Variants in NCS1 observed in about 807,000 individuals in gnomAD.
NCS1 encodes the protein frequenin homolog.
In NCS1, 6 loss-of-function variants were observed where a neutral mutation model predicts 28.4. That is an observed-to-expected ratio of 0.21 (90% CI 0.12 to 0.42). The LOEUF (loss-of-function observed/expected upper bound fraction) is 0.42. NCS1 is among the 10% of genes least tolerant of loss of function. The pLI, the probability that NCS1 is intolerant of heterozygous loss-of-function variation, is 1.00. For synonymous variants in NCS1, 86 were observed against 99.3 expected, an observed-to-expected ratio of 0.87 and a Z score of 0.79; for missense variants, 131 against 241.4, an observed-to-expected ratio of 0.54 and a Z score of 3.03.
At chr9:130,222,852 G>A in intron 5 of NCS1, 114 bp downstream of exon 5, 1 of 1,146,776 alleles carries the variant, frequency 8.7e-7, no homozygotes, top group Non-Finnish European at 1.3e-6. Flanking sequence ...GGAAGCAGGG[G>A]TCACTGGCTG....
chr9:130,236,734 C>T lies in NCS1; in HGVS notation c.*3762C>T, dbSNP rs1367315232. On this transcript the variant is annotated 3_prime_UTR_variant, in exon 8 of 8. Transcript: ENST00000372398. ...TCGCCCTCCCCAGTCTGCACATTCC[C>T]TGTTGTCCCTGTTCCTGCAGTGGCT... The T allele has an allele frequency of 6.6e-6, 1 of 152,412 alleles. No homozygotes were observed. The highest frequency in any genetic ancestry group is 2.4e-5 in the African/African-American group (1 of 41,430). The allele number at this position is 152,412 out of a possible 1,614,324, so 9.4% of individuals were successfully genotyped here.
chr9:130,227,072 C>T (rs952776958), intron 7 of NCS1, among the ~76,000 whole-genome samples: 5 of 151,416 alleles, frequency 3.3e-5, no homozygotes, highest in Admixed American at 6.6e-5. Flanking sequence ...AAGAATTGTC[C>T]TGGGTGGAAG....
At chr9:130,213,522 G>A (rs1167574034) in intron 2 of NCS1, among the ~76,000 whole-genome samples, 2 of 151,822 alleles carry the variant, frequency 1.3e-5, no homozygotes, top group Non-Finnish European at 2.9e-5. Flanking sequence ...CTTGTGATCC[G>A]CCCGTCTCAG....
intron 1 of NCS1, among the ~76,000 whole-genome samples, chr9:130,189,318 C>A (rs1164461743): frequency 3.3e-5 from 5 of 152,146 alleles, no homozygotes; most frequent in African/African-American, 4.8e-5. Flanking sequence ...ATTTAGTTAC[C>A]CAAGGTCACT....
intron 1 of NCS1, among the ~76,000 whole-genome samples, chr9:130,183,656 T>C (rs782045967): frequency 4.0e-4 from 55 of 137,856 alleles, no homozygotes; most frequent in Non-Finnish European, 8.3e-4. Flanking sequence ...TCTTTCTTTC[T>C]TTTTCTTTCC....
At chr9:130,188,847 A>G (rs1832776326) in intron 1 of NCS1, among the ~76,000 whole-genome samples, 1 of 151,890 alleles carries the variant, frequency 6.6e-6, no homozygotes, top group African/African-American at 2.4e-5. Context: ...CTCCCGAGTA[A>G]CTGGAATTAC....
At chr9:130,220,455 T>C (rs996282738) in intron 4 of NCS1, among the ~76,000 whole-genome samples, 53 of 151,830 alleles carry the variant, frequency 3.5e-4, no homozygotes, top group African/African-American at 1.2e-3. Context: ...GGAGAGGACC[T>C]GCCTGGTAGG....
chr9:130,225,473 G>A (rs1485872701), intron 6 of NCS1, among the ~76,000 whole-genome samples: 8 of 152,380 alleles, frequency 5.3e-5, no homozygotes, highest in Non-Finnish European at 7.3e-5. Context: ...GGCCAAGGCC[G>A]CACATTCCTT....
chr9:130,207,617 T>C (rs1444484904), intron 2 of NCS1, among the ~76,000 whole-genome samples: 4 of 152,254 alleles, frequency 2.6e-5, no homozygotes, highest in African/African-American at 9.6e-5. Context: ...CTGTGATTTG[T>C]CCTGGGCCGC....
At chr9:130,179,600 C>A (rs1166294325) in intron 1 of NCS1, among the ~76,000 whole-genome samples, 1 of 152,152 alleles carries the variant, frequency 6.6e-6, no homozygotes, top group Non-Finnish European at 1.5e-5. Context: ...GAATTGCTCT[C>A]CAGAAAGGCT....
At chr9:130,172,820 C>A (rs1188082971) in intron 1 of NCS1, 93 bp downstream of exon 1, 2 of 625,780 alleles carry the variant, frequency 3.2e-6, no homozygotes, top group East Asian at 4.3e-5. Context: ...CTACCCGCTC[C>A]GCGCTGCCGC....
At chr9:130,222,801 C>T (rs1833351286) in intron 5 of NCS1, 63 bp downstream of exon 5, 3 of 1,515,284 alleles carry the variant, frequency 2.0e-6, no homozygotes, top group Non-Finnish European at 1.8e-6. Flanking sequence ...GACTGAGAGA[C>T]AGAGAGAGAG....
At chr9:130,207,019 C>T (rs1833032708) in intron 2 of NCS1, among the ~76,000 whole-genome samples, 1 of 152,202 alleles carries the variant, frequency 6.6e-6, no homozygotes, top group Admixed American at 6.5e-5. Flanking sequence ...TGTCTCTGCA[C>T]ACATGTTACT....
intron 1 of NCS1, among the ~76,000 whole-genome samples, chr9:130,189,879 A>AAAAAAAT (rs1554906056): frequency 3.2e-4 from 12 of 37,752 alleles, no homozygotes; most frequent in East Asian, 2.5e-3. Context: ...AAAAAAAAAA[A>AAAAAAAT]ATATATATAT....
chr9:130,208,907 A>G (rs1833070285), intron 2 of NCS1, among the ~76,000 whole-genome samples: 1 of 152,078 alleles, frequency 6.6e-6, no homozygotes, highest in African/African-American at 2.4e-5. Flanking sequence ...GTCTGGGTCC[A>G]GCTCGCTCTG....
rs922848357 is a variant in NCS1 at position 130,186,904 on chromosome 9, C to T, written c.65-14054C>T. Among the ~76,000 whole-genome samples, 2 of 152,230 alleles carry T rather than the reference C, an allele frequency of 1.3e-5. No homozygotes were observed. The highest frequency in any genetic ancestry group is 2.1e-4 in the South Asian group (1 of 4,832). The stretch of plus-strand genomic sequence containing the variant: ...TGGCTCCAAGCACGAGGGGCACTGA[C>T]GAGCGATTGAGCAGCTCAGAGGTGA... On this transcript the variant is annotated intron_variant, in intron 1 of 7. Transcript: ENST00000372398. The surrounding 1 kb of genome is among the most constrained non-coding windows in gnomAD (Gnocchi z 4.1).
chr9:130,217,384 C>G (rs1286306089), intron 2 of NCS1, among the ~76,000 whole-genome samples: 4 of 152,190 alleles, frequency 2.6e-5, no homozygotes, highest in African/African-American at 7.2e-5. Flanking sequence ...ATATGGTGGT[C>G]TACCCACCAG....
chr9:130,228,346 A>C (rs1026559574), intron 7 of NCS1, among the ~76,000 whole-genome samples: 11 of 149,260 alleles, frequency 7.4e-5, no homozygotes, highest in Non-Finnish European at 1.6e-4. Context: ...TATCTGGCTA[A>C]TTTAAAAAAA....
Position 130,176,187 on chromosome 9 carries a change from TTTCTTTC to T in NCS1, c.64+3463_64+3469del, listed in dbSNP as rs1477245245. Among the ~76,000 whole-genome samples the T allele has an allele frequency of 5.3e-3, 372 of 70,318 alleles. 10 individuals carry two copies. The highest frequency in any genetic ancestry group is 6.1e-3 in the Non-Finnish European group (270 of 43,924). 46.1% of individuals were successfully genotyped at this position (70,318 alleles called of 152,430 possible). ...CTTTCTTTCTTTCTTTCTTTCTTTC[TTTCTTTC>T]TTTTTTTTTTTTTTTGGAGACAGGG... On this transcript the variant is annotated intron_variant, in intron 1 of 7. Transcript: ENST00000372398.
Sources: allele counts gnomAD v4.1 joint callset (sites outside exome capture counted in the v4.1 genomes callset), GRCh38; gene constraint gnomAD v4.1.1; non-coding constraint Gnocchi (gnomAD v3.1); transcripts MANE v1.5; gene names NCBI Gene and HGNC (gene_info 2026-07-23, HGNC 2026-07-21).